Variants in PTK2 observed in about 807,000 individuals in gnomAD.
PTK2 encodes the protein focal adhesion kinase 1.
Under a neutral mutation model 150.1 loss-of-function variants are expected in PTK2, and 45 were observed. The observed-to-expected ratio is 0.30, with a 90% CI of 0.24 to 0.38. The LOEUF is 0.38. Among genes scored for constraint, PTK2 ranks in the 10% least tolerant of loss-of-function variants. The pLI is 1.00. For synonymous variants in PTK2, 432 were observed against 449.2 expected (o/e 0.96, Z 0.48); for missense variants, 919 against 1,307.3 (o/e 0.70, Z 4.58).
intron 14 of PTK2, among the ~76,000 whole-genome samples, chr8:140,776,637 G>A (rs2100078603): frequency 6.6e-6 from 1 of 152,346 alleles, no homozygotes; most frequent in Middle Eastern, 3.4e-3. Flanking sequence ...AGTGAGTGGA[G>A]AAGGGGAGAG....
intron 14 of PTK2, among the ~76,000 whole-genome samples, chr8:140,773,315 G>A (rs2100076593): frequency 1.3e-5 from 2 of 152,256 alleles, no homozygotes; most frequent in African/African-American, 4.8e-5. Flanking sequence ...TTAGAACAGT[G>A]AACAAAATAG....
intron 1 of PTK2, among the ~76,000 whole-genome samples, chr8:140,949,126 A>G (rs1008132807): frequency 6.6e-6 from 1 of 151,968 alleles, no homozygotes; most frequent in African/African-American, 2.4e-5. Context: ...TATTTTCTTA[A>G]TATTTCTTAA....
chr8:140,836,585 A>G (rs929297269), intron 7 of PTK2, among the ~76,000 whole-genome samples: 2 of 152,216 alleles, frequency 1.3e-5, no homozygotes, highest in African/African-American at 4.8e-5. Context: ...TCCTTCTTTG[A>G]TATTTATTAT....
chr8:140,864,078 C>A (rs1210892118), intron 5 of PTK2, among the ~76,000 whole-genome samples: 2 of 152,142 alleles, frequency 1.3e-5, no homozygotes, highest in Non-Finnish European at 2.9e-5. Context: ...TGATTGTAGA[C>A]CTACTGTCTC....
chr8:140,866,603 C>G (rs779712396), intron 4 of PTK2, among the ~76,000 whole-genome samples: 1 of 152,204 alleles, frequency 6.6e-6, no homozygotes, highest in African/African-American at 2.4e-5. Context: ...TCAGTAAACA[C>G]AAAACACCCA....
At chr8:140,800,002 CTTTGA>C (rs2100093992) in intron 12 of PTK2, among the ~76,000 whole-genome samples, 1 of 152,122 alleles carries the variant, frequency 6.6e-6, no homozygotes. Flanking sequence ...TCATTCTAAT[CTTTGA>C]TTTTTTAACA....
chr8:140,702,692 C>T, exon 25 of PTK2: 1 of 1,613,894 alleles, frequency 6.2e-7, no homozygotes, highest in Non-Finnish European at 8.5e-7. Flanking sequence ...CCATGTGAAC[C>T]AGGGTAGCCA....
At chr8:140,971,729 G>A (rs574670214) in intron 1 of PTK2, among the ~76,000 whole-genome samples, 3 of 152,328 alleles carry the variant, frequency 2.0e-5, no homozygotes, top group African/African-American at 7.2e-5. Context: ...CTTCTCGTAT[G>A]TGAAAGTTAA....
intron 8 of PTK2, among the ~76,000 whole-genome samples, chr8:140,826,749 T>C (rs538794894): frequency 5.9e-5 from 9 of 152,104 alleles, no homozygotes; most frequent in African/African-American, 2.2e-4. Flanking sequence ...ACCGTGTCTC[T>C]ACAGAAAAAA....
chr8:140,846,169 G>A, intron 7 of PTK2, 91 bp downstream of exon 7: 2 of 987,254 alleles, frequency 2.0e-6, no homozygotes, highest in Admixed American at 2.7e-5. Flanking sequence ...TTTAGAAATA[G>A]CAGTGTTTCA....
chr8:140,844,427 C>A (rs1325570332), intron 7 of PTK2, among the ~76,000 whole-genome samples: 2 of 121,122 alleles, frequency 1.7e-5, no homozygotes, highest in Non-Finnish European at 4.1e-5. Flanking sequence ...TTTGTCACTG[C>A]TCCTTTATTT....
intron 23 of PTK2, among the ~76,000 whole-genome samples, chr8:140,711,409 C>T (rs2100036811): frequency 1.3e-5 from 2 of 152,200 alleles, no homozygotes; most frequent in South Asian, 2.1e-4. Context: ...GCCCGGCCCC[C>T]GCAGGACTTT....
chr8:140,709,234 A>G (rs2100035463), intron 23 of PTK2, among the ~76,000 whole-genome samples: 1 of 152,340 alleles, frequency 6.6e-6, no homozygotes, highest in African/African-American at 2.4e-5. Context: ...AACATACAAA[A>G]CAAATAGATC....
At chr8:140,832,973 T>C (rs2100116401) in intron 7 of PTK2, 4 of 518,870 alleles carry the variant, frequency 7.7e-6, no homozygotes, top group African/African-American at 1.9e-5. Context: ...CTGCTATTAA[T>C]CAACCCAGCT....
At position 140,915,197 on chromosome 8, in the gene PTK2, T is replaced by C. The variant is rs150701407; in HGVS notation, c.-33+10464A>G. Reference sequence around the variant, plus strand: ...ATAAACCGTCAGGTATGTTAGATAGTGGTTAAGAGCAAATAGAAAAGACAG... The same window carrying C: ...ATAAACCGTCAGGTATGTTAGATAGCGGTTAAGAGCAAATAGAAAAGACAG... On this transcript the variant is annotated intron_variant, in intron 2 of 31. Transcript: ENST00000522684. Among the ~76,000 whole-genome samples the C allele has an allele frequency of 5.4e-3, 826 of 152,000 alleles. 44 individuals carry two copies. The highest frequency in any genetic ancestry group is 0.049 in the Admixed American group (741 of 15,270).
At chr8:140,970,238 C>T (rs1253513107) in intron 1 of PTK2, among the ~76,000 whole-genome samples, 3 of 152,236 alleles carry the variant, frequency 2.0e-5, no homozygotes, top group African/African-American at 7.2e-5. Context: ...TAGTGAAGGA[C>T]TATAATCCTG....
At chr8:140,842,042 C>T (rs1375778592) in intron 7 of PTK2, among the ~76,000 whole-genome samples, 2 of 151,926 alleles carry the variant, frequency 1.3e-5, no homozygotes, top group Non-Finnish European at 2.9e-5. Context: ...ATCTATTAAA[C>T]ATAAAGTTGA....
chr8:140,848,872 C>CT (rs2154604519), intron 5 of PTK2, among the ~76,000 whole-genome samples: 1 of 152,270 alleles, frequency 6.6e-6, no homozygotes, highest in African/African-American at 2.4e-5. Flanking sequence ...AGAGGAACTA[C>CT]TGCAGACCAC....
chr8:140,758,765 G>A (rs985593886), intron 16 of PTK2, among the ~76,000 whole-genome samples: 1 of 152,152 alleles, frequency 6.6e-6, no homozygotes, highest in African/African-American at 2.4e-5. Flanking sequence ...TAGCCAAAGC[G>A]TACAGTGTTT....
Sources: gnomAD v4.1 joint callset for allele counts (sites outside exome capture counted in the v4.1 genomes callset) on GRCh38, gnomAD v4.1.1 for gene constraint, MANE v1.5 for transcripts, NCBI Gene and HGNC (gene_info 2026-07-23, HGNC 2026-07-21) for gene names.